ATP7A: variants seen among roughly 807,000 people sequenced by gnomAD.
ATP7A encodes the protein copper-transporting ATPase 1.
A neutral mutation model predicts 83.5 loss-of-function variants in ATP7A; 7 were observed. The observed-to-expected ratio is 0.08, with a 90% CI of 0.05 to 0.16. The LOEUF is 0.16. Among genes scored for constraint, ATP7A ranks in the 10% least tolerant of loss-of-function variants. The pLI, the probability that ATP7A is intolerant of heterozygous loss-of-function variation, is 1.00. For missense variants in ATP7A, 940 were observed against 1,120.8 expected (o/e 0.84, Z 2.30); for synonymous variants, 354 against 395.2 (o/e 0.90, Z 1.24).
chrX:77,957,894 G>A (rs1400196820), intron 1 of ATP7A, among the ~76,000 whole-genome samples: 1 of 111,058 alleles, frequency 9.0e-6, no homozygotes, highest in Admixed American at 9.6e-5. Flanking sequence ...AGAGAGCAGT[G>A]TGTGTTTGTT....
intron 1 of ATP7A, chrX:77,965,437 A>G (rs1220817920): frequency 3.1e-6 from 1 of 322,989 alleles, no homozygotes; most frequent in Non-Finnish European, 6.0e-6. Context: ...ATCAGTAATC[A>G]GAGAAATGTG....
chrX:77,949,261 C>T (rs782409416), intron 1 of ATP7A, among the ~76,000 whole-genome samples: 1 of 112,010 alleles, frequency 8.9e-6, no homozygotes, highest in South Asian at 3.7e-4. Flanking sequence ...TTCTTCCTTT[C>T]CTTCCCTGTA....
chrX:78,022,105 T>C (rs1299493009), intron 14 of ATP7A, among the ~76,000 whole-genome samples: 2 of 111,633 alleles, frequency 1.8e-5, no homozygotes, highest in African/African-American at 6.5e-5. Flanking sequence ...TCCTTTTTCC[T>C]TTTTGGCCAA....
chrX:78,019,979 G>A (rs1291267743), intron 12 of ATP7A, among the ~76,000 whole-genome samples: 14 of 111,809 alleles, frequency 1.3e-4, no homozygotes, highest in Non-Finnish European at 2.4e-4. Flanking sequence ...CTTGAGAACA[G>A]GTTAAGAACC....
At chrX:77,916,065 T>C (rs987224729) in intron 1 of ATP7A, among the ~76,000 whole-genome samples, 4 of 110,505 alleles carry the variant, frequency 3.6e-5, no homozygotes, top group Non-Finnish European at 3.8e-5. Flanking sequence ...ACTTACACCA[T>C]AGAAAATTGG....
chrX:78,026,824 C>T (rs1557236393), intron 14 of ATP7A, among the ~76,000 whole-genome samples: 1 of 111,735 alleles, frequency 8.9e-6, no homozygotes, highest in Non-Finnish European at 1.9e-5. Context: ...AAACAACCAA[C>T]TCCTGAATAA....
At position 77,966,097 on chromosome X, in the gene ATP7A, A is replaced by G. The variant is rs782093481; in HGVS notation, c.-21-5524A>G. ...TGGTGATGGTTGCACATGTCTGTGA[A>G]TATGCTAACAACTATTGAATTCTAC... On this transcript the variant is annotated intron_variant, in intron 1 of 22. Coordinates refer to ENST00000341514, the MANE Select transcript of ATP7A (RefSeq NM_000052.7). Among the ~76,000 whole-genome samples the G allele has an allele frequency of 1.9e-4, 21 of 112,238 alleles. 1 individual carries two copies. The South Asian group carries it at 7.4e-3, about 39-fold the overall frequency.
intron 4 of ATP7A, 95 bp downstream of exon 4, chrX:77,990,053 A>C: frequency 9.0e-7 from 1 of 1,108,434 alleles, no homozygotes; most frequent in East Asian, 3.0e-5. Flanking sequence ...ATTCATAGGC[A>C]CTGTAATTCC....
intron 2 of ATP7A, among the ~76,000 whole-genome samples, chrX:77,972,090 G>A (rs1458949535): frequency 9.0e-6 from 1 of 111,409 alleles, no homozygotes; most frequent in African/African-American, 3.3e-5. Context: ...TGTTTTCAGG[G>A]GATGGGTTAG....
At chrX:77,969,668 T>C (rs373372890) in intron 1 of ATP7A, 1 of 1,206,997 alleles carries the variant, frequency 8.3e-7, no homozygotes, top group Non-Finnish European at 1.1e-6. Context: ...TTTTATACCA[T>C]TTGAAGTAAA....
chrX:78,015,570 C>G (rs781995437), intron 11 of ATP7A, among the ~76,000 whole-genome samples, 184 bp from the exon 12 acceptor site: 1 of 111,990 alleles, frequency 8.9e-6, no homozygotes, highest in East Asian at 2.8e-4. Flanking sequence ...TTTGTGCTAG[C>G]TACTGTGCTG....
intron 9 of ATP7A, among the ~76,000 whole-genome samples, chrX:78,012,519 G>C (rs1343381767): frequency 9.3e-6 from 1 of 107,439 alleles, no homozygotes; most frequent in African/African-American, 3.4e-5. Context: ...CTACTTGGGA[G>C]GCTGAGGCAG....
rs372318616 is a variant in ATP7A at position 78,015,774 on chromosome X, A to T, written c.2519A>T (p.Glu840Val). The change falls in exon 12 of 23, where the codon GAA becomes GTA. Residue 840 changes from glutamate to valine, a missense_variant. Physicochemically the swap from Glu to Val is moderately radical, Grantham distance 121. Around this residue, in one of 3 missense-constraint regions of ATP7A, gnomAD observed 386 missense variants for 502.2 expected, o/e 0.77. Transcript: ENST00000341514. ...TCCAGTGAAGAACAAGTGGATGTGG[A>T]ACTTGTACAACGTGGAGATATCATT... is the stretch of plus-strand genomic sequence containing the variant. ...ILLSEEQVDV[E>V]LVQRGDIIKV... 1.7e-4 allele frequency: 202 copies of T among 1,209,903 alleles called. 2 individuals are homozygous for T. Among genetic ancestry groups the T allele is most frequent in the Non-Finnish European group, 3.1e-5 (28 of 895,026 alleles).
At chrX:78,017,678 C>T (rs1237065452) in intron 12 of ATP7A, among the ~76,000 whole-genome samples, 1 of 109,545 alleles carries the variant, frequency 9.1e-6, no homozygotes, top group Non-Finnish European at 1.9e-5. Context: ...TTTCTTCTGC[C>T]AGGTATCATA....
chrX:77,962,760 C>T, intron 1 of ATP7A: 1 of 389,360 alleles, frequency 2.6e-6, no homozygotes, highest in South Asian at 2.3e-5. Flanking sequence ...GTCAACCAAA[C>T]TTCTTGAAGC....
chrX:77,915,865 C>A (rs947591440), intron 1 of ATP7A, among the ~76,000 whole-genome samples: 1 of 111,609 alleles, frequency 9.0e-6, no homozygotes, highest in Admixed American at 9.5e-5. Flanking sequence ...GGGTTACAGG[C>A]GTGTGCCACC....
intron 2 of ATP7A, among the ~76,000 whole-genome samples, chrX:77,974,362 T>C (rs1326403886): frequency 1.8e-5 from 2 of 111,332 alleles, no homozygotes; most frequent in Non-Finnish European, 3.8e-5. Flanking sequence ...CAGGGTGGTC[T>C]TGAACTCCAG....
intron 1 of ATP7A, among the ~76,000 whole-genome samples, chrX:77,942,468 G>A (rs1001132100): frequency 1.3e-4 from 14 of 109,170 alleles, no homozygotes; most frequent in African/African-American, 4.0e-4. Context: ...GTAGGGGAGC[G>A]GACAGCATCT....
intron 1 of ATP7A, among the ~76,000 whole-genome samples, chrX:77,912,621 T>G (rs2077166335): frequency 8.9e-6 from 1 of 112,369 alleles, no homozygotes; most frequent in Non-Finnish European, 1.9e-5. Flanking sequence ...TTAATTCTGA[T>G]GTAAACTCAA....
Sources: gnomAD v4.1 joint callset for allele counts (sites outside exome capture counted in the v4.1 genomes callset) on GRCh38, gnomAD v4.1.1 for gene constraint, gnomAD v4.1.1 regional missense constraint, MANE v1.5 for transcripts, NCBI Gene and HGNC (gene_info 2026-07-23, HGNC 2026-07-21) for gene names.